The following HRH4 variants were observed in gnomAD, a reference collection of about 807,000 sequenced individuals.
The protein encoded by HRH4 is histamine receptor H4, also known as histamine H4 receptor.
HRH4 carries 12 observed loss-of-function variants against 10.4 expected under a neutral mutation model. The observed-to-expected ratio is 1.15, with a 90% confidence interval of 0.74 to 1.87. The LOEUF (loss-of-function observed/expected upper bound fraction) is 1.87. Ranked by LOEUF, HRH4 falls within the 40% of genes most tolerant of loss-of-function variation. The probability of loss-of-function intolerance (pLI) is 0.00; values close to 1 mark genes in which losing one functional copy is unlikely to be tolerated. For missense variants in HRH4, 415 were observed against 453.3 expected (o/e 0.92, Z 0.77); for synonymous variants, 154 against 166.6 (o/e 0.92, Z 0.58).
chr18:24,468,362 A>G (rs1031634078), intron 1 of HRH4, among the ~76,000 whole-genome samples: 1 of 152,226 alleles, frequency 6.6e-6, no homozygotes, highest in South Asian at 2.1e-4. Context: ...ACTTTAAATC[A>G]TCAGTAGATT....
intron 1 of HRH4, among the ~76,000 whole-genome samples, chr18:24,461,724 T>G (rs1283859747): frequency 2.0e-5 from 3 of 152,098 alleles, no homozygotes; most frequent in Non-Finnish European, 4.4e-5. Context: ...ACTTAGTTCA[T>G]TCCCTGGAAT....
Position 24,477,863 on chromosome 18 carries a change from A to T in HRH4, c.*301A>T. On this transcript the variant is annotated 3_prime_UTR_variant, in exon 3 of 3. Transcript: ENST00000256906. ...TATGTTCCATGCATAATACAGTCTT[A>T]AGTGAATTTCTCTTTTTTAATTTTA... 1 of 234,030 alleles carries T rather than the reference A, an allele frequency of 4.3e-6. No individual in the cohort carries two copies. The highest frequency in any genetic ancestry group is 8.2e-6 in the Non-Finnish European group (1 of 121,396). The allele number at this position is 234,030 out of a possible 1,614,324, so 14.5% of individuals were successfully genotyped here. A position where few individuals can be genotyped will look rare whatever the true frequency, so the allele number is the denominator to read the frequency against.
chr18:24,460,953 T>C, intron 1 of HRH4, 32 bp downstream of exon 1: 1 of 1,354,006 alleles, frequency 7.4e-7, no homozygotes. Context: ...AAGACAGTCT[T>C]TTCCGATTTT....
chr18:24,477,635 C>A lies in HRH4; in HGVS notation c.*73C>A. On this transcript the variant is annotated 3_prime_UTR_variant, in exon 3 of 3. Transcript: ENST00000256906. ...TGAATCAGGTCTGCCCTTTATCTTG[C>A]CCTTTTCATTCTACCAACAGATCTG... The A allele has an allele frequency of 1.9e-6, 2 of 1,029,164 alleles. No homozygotes were observed. The highest frequency in any genetic ancestry group is 1.7e-5 in the South Asian group (1 of 59,434). The allele number at this position is 1,029,164 out of a possible 1,614,324, so 63.8% of individuals were successfully genotyped here. A position where few individuals can be genotyped will look rare whatever the true frequency, so the allele number is the denominator to read the frequency against.
At chr18:24,471,279 CT>C (rs35462731) in intron 2 of HRH4, among the ~76,000 whole-genome samples, 5 of 150,378 alleles carry the variant, frequency 3.3e-5, no homozygotes, top group East Asian at 3.9e-4. Context: ...GGGTTGTGAC[CT>C]TTTTTTTTCA....
chr18:24,476,051 C>T (rs971477967), intron 2 of HRH4, among the ~76,000 whole-genome samples: 8 of 152,042 alleles, frequency 5.3e-5, no homozygotes, highest in East Asian at 1.9e-4. Flanking sequence ...GTCTTTTTGT[C>T]TGTGGTTAAT....
chr18:24,468,650 T>C, intron 1 of HRH4, 138 bp from the exon 2 acceptor site: 1 of 811,482 alleles, frequency 1.2e-6, no homozygotes, highest in Non-Finnish European at 1.9e-6. Flanking sequence ...CTTGATGAAA[T>C]ACCGTGAATT....
intron 2 of HRH4, among the ~76,000 whole-genome samples, chr18:24,471,630 A>G (rs1909962608): frequency 7.0e-6 from 1 of 142,694 alleles, no homozygotes; most frequent in Non-Finnish European, 1.6e-5. Context: ...AAAAAAAAAA[A>G]AAAGAAATGT....
At position 24,477,554 on chromosome 18, in the gene HRH4, T is replaced by A; in HGVS notation, c.1165T>A (p.Ser389Thr). Residue 389 changes from serine (S) to threonine (T), a missense_variant, in exon 3 of 3, where the codon TCT (serine) becomes ACT (threonine). Ser to Thr is a moderately conservative substitution (Grantham distance 58, BLOSUM62 1). Transcript: ENST00000256906. ...ACCATCACAACACAGTCGGTCAGTA[T>A]CTTCTTAAAGACAATTTTCTCACCT... ...PLPSQHSRSVSS is the reference protein window; with the variant it reads ...PLPSQHSRSVTS The A allele has an allele frequency of 6.4e-7, 1 of 1,562,016 alleles. No homozygotes were observed. Among genetic ancestry groups the A allele is most frequent in the Admixed American group, 2.0e-5 (1 of 50,148 alleles).
intron 1 of HRH4, among the ~76,000 whole-genome samples, chr18:24,462,195 G>A (rs1402836871): frequency 6.6e-6 from 1 of 152,190 alleles, no homozygotes; most frequent in Non-Finnish European, 1.5e-5. Context: ...GGGTGAGTGA[G>A]CTTGGAGCTG....
At chr18:24,471,954 C>A (rs775474900) in intron 2 of HRH4, among the ~76,000 whole-genome samples, 1 of 152,144 alleles carries the variant, frequency 6.6e-6, no homozygotes, top group East Asian at 1.9e-4. Flanking sequence ...GACAGCTTAC[C>A]CAGTTGGGAA....
At chr18:24,472,955 G>C (rs1329151050) in intron 2 of HRH4, among the ~76,000 whole-genome samples, 1 of 152,126 alleles carries the variant, frequency 6.6e-6, no homozygotes, top group African/African-American at 2.4e-5. Flanking sequence ...AGGAGTTCGA[G>C]ACCAGCCTGG....
At chr18:24,468,333 C>T (rs1039328338) in intron 1 of HRH4, among the ~76,000 whole-genome samples, 2 of 152,170 alleles carry the variant, frequency 1.3e-5, no homozygotes, top group South Asian at 2.1e-4. Flanking sequence ...TGAGTTACCA[C>T]GCCCGGCCCC....
In HRH4 at chr18:24,467,998, G is replaced by A. The variant is rs565869888; in HGVS notation, c.194-790G>A. ...CATGAAAAAAGTAAAGATGATTTAT[G>A]CTGCCTGTGGCTAGAAATACAAGAC... On this transcript the variant is annotated intron_variant, in intron 1 of 2. Transcript: ENST00000256906. Among the ~76,000 whole-genome samples, 138 of 152,260 alleles carry A rather than the reference G, an allele frequency of 9.1e-4. 1 individual carries two copies. Among genetic ancestry groups the A allele is most frequent in the African/African-American group, 3.3e-3 (136 of 41,560 alleles).
chr18:24,475,165 T>C (rs955046429), intron 2 of HRH4, among the ~76,000 whole-genome samples: 11 of 152,188 alleles, frequency 7.2e-5, no homozygotes, highest in African/African-American at 2.4e-4. Flanking sequence ...TCCTCACTCA[T>C]AGAATCTCAT....
chr18:24,468,723 A>G, intron 1 of HRH4, 65 bp from the exon 2 acceptor site: 1 of 1,410,160 alleles, frequency 7.1e-7, no homozygotes, highest in Non-Finnish European at 9.7e-7. Flanking sequence ...TGTAGCCATT[A>G]AAACATGCAC....
chr18:24,466,695 C>T (rs1165949766), intron 1 of HRH4, among the ~76,000 whole-genome samples: 1 of 152,114 alleles, frequency 6.6e-6, no homozygotes, highest in Non-Finnish European at 1.5e-5. Context: ...GGCTTTCCTT[C>T]TTCCTTTCCT....
intron 2 of HRH4, among the ~76,000 whole-genome samples, chr18:24,470,703 C>T (rs113206671): frequency 0.068 from 10,241 of 151,138 alleles, 390 homozygotes; most frequent in Non-Finnish European, 0.091. Flanking sequence ...GGGCTTTCAC[C>T]GTGTTGGCCA....
rs1169901231 is a variant in HRH4, at chr18:24,479,034, A to G, written c.*1472A>G. The G allele has an allele frequency of 6.6e-6, 1 of 152,170 alleles. No homozygotes were observed. Among genetic ancestry groups the G allele is most frequent in the Non-Finnish European group, 1.5e-5 (1 of 68,044 alleles). 9.4% of individuals were successfully genotyped at this position (152,170 alleles called of 1,614,324 possible). A position where few individuals can be genotyped will look rare whatever the true frequency, so the allele number is the denominator to read the frequency against. Reference sequence around the variant, plus strand: ...CTGGGTTCAAGCGATTCTTGTGCCTAAGCCACCTGAGCAGCTGGGATTACA... The same window carrying G: ...CTGGGTTCAAGCGATTCTTGTGCCTGAGCCACCTGAGCAGCTGGGATTACA... On this transcript the variant is annotated 3_prime_UTR_variant, in exon 3 of 3. Coordinates refer to ENST00000256906, the MANE Select transcript of HRH4 (RefSeq NM_021624.4).
Sources: allele counts gnomAD v4.1 joint callset (sites outside exome capture counted in the v4.1 genomes callset), GRCh38; gene constraint gnomAD v4.1.1; transcripts MANE v1.5; gene names NCBI Gene and HGNC (gene_info 2026-07-23, HGNC 2026-07-21).